BCAS4: variants seen among roughly 807,000 people sequenced by gnomAD.
The protein encoded by BCAS4 is breast carcinoma amplified sequence 4, also known as breast carcinoma-amplified sequence 4.
Under a neutral mutation model 15.7 loss-of-function variants are expected in BCAS4, and 9 were observed. That is an observed-to-expected ratio of 0.57 (90% CI 0.34 to 1.00). The LOEUF (loss-of-function observed/expected upper bound fraction) is 1.00. Among genes scored for constraint, BCAS4 ranks in the 50% least tolerant of loss-of-function variants. The pLI is 0.02. For synonymous variants in BCAS4, 101 were observed against 99.5 expected, an observed-to-expected ratio of 1.02 and a Z score of -0.09; for missense variants, 225 against 239.1, an observed-to-expected ratio of 0.94 and a Z score of 0.39.
chr20:50,875,209 C>A (rs6096143), intron 4 of BCAS4, among the ~76,000 whole-genome samples: 9,095 of 152,282 alleles, frequency 0.06, 707 homozygotes, highest in African/African-American at 0.17. Context: ...GAGATTCCAG[C>A]GCATGGCCAG....
chr20:50,817,280 C>T (rs575038190), intron 1 of BCAS4, among the ~76,000 whole-genome samples: 4 of 152,336 alleles, frequency 2.6e-5, no homozygotes, highest in African/African-American at 7.2e-5. Flanking sequence ...TTTCCCTTGT[C>T]AGAGTCCCTT....
At chr20:50,870,240 G>A (rs1308304606) in intron 4 of BCAS4, among the ~76,000 whole-genome samples, 2 of 152,232 alleles carry the variant, frequency 1.3e-5, no homozygotes, top group African/African-American at 4.8e-5. Flanking sequence ...CAAAAACCAG[G>A]CAGGGTCAGG....
intron 4 of BCAS4, among the ~76,000 whole-genome samples, chr20:50,859,480 CA>C (rs1220102234): frequency 3.6e-4 from 55 of 151,882 alleles, no homozygotes; most frequent in Non-Finnish European, 8.8e-5. Flanking sequence ...GAGGAGGAGA[CA>C]GGGGCCAGGG....
chr20:50,830,821 G>T (rs1324285912), intron 3 of BCAS4, among the ~76,000 whole-genome samples: 5 of 152,160 alleles, frequency 3.3e-5, no homozygotes, highest in African/African-American at 4.8e-5. Context: ...CTGTATTCCA[G>T]CCTGGGCGAC....
chr20:50,863,255 T>G (rs892880101), intron 4 of BCAS4, among the ~76,000 whole-genome samples: 3 of 134,704 alleles, frequency 2.2e-5, no homozygotes, highest in Non-Finnish European at 4.8e-5. Flanking sequence ...GTGCTTTTTT[T>G]TTTTTTTTTT....
At chr20:50,803,198 C>T (rs1171335155) in intron 1 of BCAS4, among the ~76,000 whole-genome samples, 1 of 152,136 alleles carries the variant, frequency 6.6e-6, no homozygotes, top group Non-Finnish European at 1.5e-5. Context: ...AAACACGTTC[C>T]CAAAGATTAG....
intron 1 of BCAS4, among the ~76,000 whole-genome samples, chr20:50,797,316 A>C (rs919278779): frequency 2.0e-5 from 3 of 152,180 alleles, no homozygotes; most frequent in Admixed American, 6.6e-5. Context: ...TGGTTGCACA[A>C]ATTTGTGAAT....
At chr20:50,875,869 TATAGGTCCCTTTGTCACATGTCTAC>T in intron 4 of BCAS4, 1 of 448,576 alleles carries the variant, frequency 2.2e-6, no homozygotes, top group Non-Finnish European at 4.5e-6. Flanking sequence ...CACGTGTCGG[TATAGGTCCCTTTGTCACATGTCTAC>T]CCTTCTCACC....
chr20:50,878,947 C>T (rs920197434), downstream of BCAS4: 2 of 151,520 alleles, frequency 1.3e-5, no homozygotes, highest in African/African-American at 2.4e-5. Flanking sequence ...CATACCCACC[C>T]CCACCCCAGG....
At chr20:50,830,858 A>G (rs878879453) in intron 3 of BCAS4, among the ~76,000 whole-genome samples, 1 of 152,136 alleles carries the variant, frequency 6.6e-6, no homozygotes, top group South Asian at 2.1e-4. Flanking sequence ...TCAAAACGAA[A>G]AAAAAGAATT....
At chr20:50,863,909 G>A (rs1979223810) in intron 4 of BCAS4, among the ~76,000 whole-genome samples, 1 of 152,120 alleles carries the variant, frequency 6.6e-6, no homozygotes, top group Admixed American at 6.6e-5. Flanking sequence ...CCTGCAAGTG[G>A]GTCAATCCCA....
intron 4 of BCAS4, among the ~76,000 whole-genome samples, chr20:50,856,677 G>A (rs1978774446): frequency 6.6e-6 from 1 of 152,204 alleles, no homozygotes; most frequent in Admixed American, 6.5e-5. Flanking sequence ...TTGGTACGGG[G>A]CAGGAGGGGC....
In BCAS4 at chr20:50,851,604, G is replaced by A. The variant is rs73280627; in HGVS notation, c.399+9704G>A. Among the ~76,000 whole-genome samples the A allele has an allele frequency of 3.9e-5, 6 of 152,130 alleles. No individual in the cohort carries two copies. Among genetic ancestry groups the A allele is most frequent in the Admixed American group, 3.9e-4 (6 of 15,282 alleles). Reference sequence around the variant, plus strand: ...GTGGAAGCACCCCAACTTTGCCCTGGTTGGTGGGACCCTCAACATGCCCTT... The same window carrying A: ...GTGGAAGCACCCCAACTTTGCCCTGATTGGTGGGACCCTCAACATGCCCTT... On this transcript the variant is annotated intron_variant, in intron 4 of 4. Transcript: ENST00000371608. This position sits in a 1 kb window ranked among gnomAD's most constrained non-coding sequence, Gnocchi z 4.3.
chr20:50,805,153 T>C (rs2087974682), intron 1 of BCAS4, among the ~76,000 whole-genome samples: 1 of 152,186 alleles, frequency 6.6e-6, no homozygotes, highest in South Asian at 2.1e-4. Flanking sequence ...TAATGGCTTT[T>C]CGCATGTTCA....
Position 50,795,212 on chromosome 20 carries a change from C to A in BCAS4, c.90+39C>A, listed in dbSNP as rs1019583594. 10 of 1,344,852 alleles carry A rather than the reference C, an allele frequency of 7.4e-6. No individual in the cohort carries two copies. The African/African-American group carries it at 1.2e-4, about 16-fold the overall frequency. The allele number at this position is 1,344,852 out of a possible 1,614,324, so 83.3% of individuals were successfully genotyped here. On this transcript the variant is annotated intron_variant, in intron 1 of 4. Coordinates refer to ENST00000371608, the MANE Select transcript of BCAS4 (RefSeq NM_198799.4). ...CTGTGGAGTTGGAGGAGAGGGTTCTCGCGGTTAGGGGTCCGGGCTCCGGAC... is the reference window on the plus strand; with the variant it reads ...CTGTGGAGTTGGAGGAGAGGGTTCTAGCGGTTAGGGGTCCGGGCTCCGGAC...
At chr20:50,840,783 G>A in intron 3 of BCAS4, 1 of 1,502,176 alleles carries the variant, frequency 6.7e-7, no homozygotes, top group East Asian at 2.3e-5. Flanking sequence ...AGGCACGCGA[G>A]AACGAGCGAA....
At chr20:50,823,443 A>C (rs2088241293) in intron 2 of BCAS4, among the ~76,000 whole-genome samples, 1 of 152,170 alleles carries the variant, frequency 6.6e-6, no homozygotes, top group African/African-American at 2.4e-5. Context: ...TGATTTATGC[A>C]TATATTGGAA....
At chr20:50,799,287 T>C (rs1208682701) in intron 1 of BCAS4, among the ~76,000 whole-genome samples, 2 of 152,154 alleles carry the variant, frequency 1.3e-5, no homozygotes, top group Non-Finnish European at 2.9e-5. Context: ...TTGCTTATGC[T>C]CATTTGTAAG....
At chr20:50,837,435 G>T (rs1161363969) in intron 3 of BCAS4, among the ~76,000 whole-genome samples, 3 of 152,188 alleles carry the variant, frequency 2.0e-5, no homozygotes, top group Non-Finnish European at 4.4e-5. Context: ...GGGGGAAAAT[G>T]TGTTCAAATT....
Sources: gnomAD v4.1 joint callset for allele counts (sites outside exome capture counted in the v4.1 genomes callset) on GRCh38, gnomAD v4.1.1 for gene constraint, Gnocchi (gnomAD v3.1) non-coding constraint, MANE v1.5 for transcripts, NCBI Gene and HGNC (gene_info 2026-07-23, HGNC 2026-07-21) for gene names.